The following SMYD4 variants were observed in gnomAD, a reference collection of about 807,000 sequenced individuals.
The protein encoded by SMYD4 is SET and MYND domain containing 4.
A neutral mutation model predicts 72.8 loss-of-function variants in SMYD4; 68 were observed. The ratio of observed to expected loss-of-function variants is 0.93; its 90% CI spans 0.77 to 1.14. The LOEUF (loss-of-function observed/expected upper bound fraction) is 1.14, where lower values mean the gene tolerates loss of function less well. Ranked by LOEUF, SMYD4 falls within the 50% of genes most tolerant of loss-of-function variation. SMYD4 has a pLI of 0.00. For synonymous variants in SMYD4, 407 were observed against 388.6 expected (o/e 1.05, Z -0.56); for missense variants, 984 against 1,003.7 (o/e 0.98, Z 0.27).
rs534923862 is a variant in SMYD4 at position 1,789,722 on chromosome 17, A to C, written c.1538-2118T>G. On this transcript the variant is annotated intron_variant, in intron 5 of 10. Coordinates refer to ENST00000305513, the MANE Select transcript of SMYD4 (RefSeq NM_052928.3). ...GGAGGTTGCAGTGAGCCGAGATCGCACCACTGCACTCCAGCCTGGGTGAAA... is the reference window on the plus strand; with the variant it reads ...GGAGGTTGCAGTGAGCCGAGATCGCCCCACTGCACTCCAGCCTGGGTGAAA... Among the ~76,000 whole-genome samples the C allele has an allele frequency of 2.1e-5, 3 of 144,570 alleles. No individual in the cohort carries two copies. The Admixed American group carries it at 2.2e-4, about 10-fold the overall frequency. 94.8% of individuals were successfully genotyped at this position (144,570 alleles called of 152,430 possible). A position where few individuals can be genotyped will look rare whatever the true frequency, so the allele number is the denominator to read the frequency against.
Position 1,800,798 on chromosome 17 carries a change from T to C in SMYD4, c.596A>G (p.Gln199Arg), listed in dbSNP as rs757620581. Residue 199 changes from glutamine to arginine, a missense_variant, in exon 5 of 11, where the codon CAA becomes CGA. Coordinates refer to ENST00000305513, the MANE Select transcript of SMYD4 (RefSeq NM_052928.3). ...RNLHRLKMKM[Q>R]EKDSLTESFP... The stretch of plus-strand genomic sequence containing the variant: ...GCTTTCTGTGAGACTGTCCTTTTCT[T>C]GCATCTTCATTTTCAGACGATGGAG... 1.2e-6 allele frequency: 2 copies of C among 1,614,212 alleles called. No individual in the cohort carries two copies. Among genetic ancestry groups the C allele is most frequent in the South Asian group, 2.2e-5 (2 of 91,086 alleles).
intron 5 of SMYD4, among the ~76,000 whole-genome samples, chr17:1,797,392 T>C (rs112135295): frequency 6.6e-6 from 1 of 152,258 alleles, no homozygotes; most frequent in African/African-American, 2.4e-5. Context: ...TTTCTAATAA[T>C]AGTTGTATCT....
chr17:1,811,227 T>C (rs917652140), intron 3 of SMYD4, among the ~76,000 whole-genome samples: 2 of 152,104 alleles, frequency 1.3e-5, no homozygotes, highest in African/African-American at 2.4e-5. Context: ...CCCTAGAGGT[T>C]TGAGTAGCAG....
At chr17:1,819,114 A>T (rs11654029) in intron 2 of SMYD4, among the ~76,000 whole-genome samples, 108,178 of 151,676 alleles carry the variant, frequency 0.71, 39,517 homozygotes, top group Non-Finnish European at 0.79. Context: ...CCCAGCACTT[A>T]GGGAGGCCGA....
rs538073456 is a variant in SMYD4, at chr17:1,795,902, G to GTA, written c.1537+3953_1537+3954dup. On this transcript the variant is annotated intron_variant, in intron 5 of 10. Coordinates refer to ENST00000305513, the MANE Select transcript of SMYD4 (RefSeq NM_052928.3). ...TCAAAGAAGAAAGTAGCAATCACCT[G>GTA]TATTTCCACTTTCAGAATTAATCAC... Among the ~76,000 whole-genome samples, 546 of 152,162 alleles carry GTA rather than the reference G, an allele frequency of 3.6e-3. 2 individuals are homozygous for GTA. Among genetic ancestry groups the GTA allele is most frequent in the South Asian group, 9.7e-3 (47 of 4,824 alleles).
intron 3 of SMYD4, among the ~76,000 whole-genome samples, chr17:1,811,497 T>C (rs1910329177): frequency 6.6e-6 from 1 of 152,236 alleles, no homozygotes. Context: ...AACTACCTTT[T>C]GTTTCAGACT....
intron 2 of SMYD4, among the ~76,000 whole-genome samples, chr17:1,826,925 C>T (rs926738290): frequency 1.3e-5 from 2 of 151,726 alleles, no homozygotes; most frequent in South Asian, 2.1e-4. Flanking sequence ...CTGAGGCGGG[C>T]GGATCATTTG....
At chr17:1,819,373 C>T (rs1196955485) in intron 2 of SMYD4, among the ~76,000 whole-genome samples, 1 of 151,994 alleles carries the variant, frequency 6.6e-6, no homozygotes, top group Non-Finnish European at 1.5e-5. Context: ...AACAAACAAA[C>T]AAAATGACTA....
chr17:1,829,099 C>A (rs1309309162), intron 1 of SMYD4, among the ~76,000 whole-genome samples: 2 of 152,164 alleles, frequency 1.3e-5, no homozygotes, highest in African/African-American at 4.8e-5. Flanking sequence ...TCAATCCAGC[C>A]TCCAACACTG....
intron 2 of SMYD4, among the ~76,000 whole-genome samples, chr17:1,817,123 C>T (rs1487256305): frequency 5.3e-5 from 8 of 151,708 alleles, no homozygotes; most frequent in Admixed American, 3.3e-4. Context: ...CTGCAACCTC[C>T]GCCTCCCGGG....
chr17:1,816,688 T>C (rs1364083378), intron 2 of SMYD4, among the ~76,000 whole-genome samples: 1 of 151,456 alleles, frequency 6.6e-6, no homozygotes, highest in Non-Finnish European at 1.5e-5. Context: ...GGGCAGTAGC[T>C]ATTCTGCACT....
intron 5 of SMYD4, among the ~76,000 whole-genome samples, chr17:1,794,069 GTATA>G (rs1567770926): frequency 1.5e-5 from 1 of 67,926 alleles, no homozygotes; most frequent in Non-Finnish European, 2.6e-5. Flanking sequence ...ATATATATGT[GTATA>G]TATATGTGTA....
intron 1 of SMYD4, among the ~76,000 whole-genome samples, chr17:1,829,141 A>G (rs1374660218): frequency 6.6e-6 from 1 of 152,106 alleles, no homozygotes; most frequent in Non-Finnish European, 1.5e-5. Flanking sequence ...CCTTAAATTC[A>G]TCAACGCTAC....
At chr17:1,817,131 G>A (rs1043111867) in intron 2 of SMYD4, among the ~76,000 whole-genome samples, 28 of 151,504 alleles carry the variant, frequency 1.8e-4, no homozygotes, top group Admixed American at 8.6e-4. Flanking sequence ...TCCGCCTCCC[G>A]GGTTCAAGTG....
Position 1,800,575 on chromosome 17 carries a change from T to C in SMYD4, c.819A>G (p.Glu273=), listed in dbSNP as rs766522799. 6.2e-7 allele frequency: 1 copy of C among 1,614,128 alleles called. No homozygotes were observed. Among genetic ancestry groups the C allele is most frequent in the East Asian group, 2.2e-5 (1 of 44,886 alleles). ...DAFVSVLNPG[E]LPPPHHGLDS... ...CTAGGCCGTGATGCGGTGGTGGCAGTTCTCCTGGGTTGAGAACACTCACAA... is the reference window on the plus strand; with the variant it reads ...CTAGGCCGTGATGCGGTGGTGGCAGCTCTCCTGGGTTGAGAACACTCACAA... Residue 273 remains glutamate (E), a synonymous_variant, in exon 5 of 11, where the codon GAA becomes GAG. Coordinates refer to ENST00000305513, the MANE Select transcript of SMYD4 (RefSeq NM_052928.3).
chr17:1,809,904 A>G (rs9899060), intron 3 of SMYD4, among the ~76,000 whole-genome samples: 119,550 of 151,782 alleles, frequency 0.79, 48,033 homozygotes, highest in African/African-American at 0.86. Flanking sequence ...CTCCTGATCC[A>G]CCCACCTCGG....
In SMYD4 at chr17:1,786,863, C is replaced by T. The variant is rs879191610; in HGVS notation, c.1831G>A (p.Ala611Thr). The change falls in exon 7 of 11, where the codon GCA becomes ACA. Residue 611 changes from alanine (A) to threonine (T), a missense_variant. Transcript: ENST00000305513. ...CAGAATGCTTCCCACCTGGGCCCTGCAGCCATCCTGTGTGCCTCAGTTTGA... is the reference window on the plus strand; with the variant it reads ...CAGAATGCTTCCCACCTGGGCCCTGTAGCCATCCTGTGTGCCTCAGTTTGA... Reference protein sequence around the residue: ...ACQTEAHRMAAGPRWEAFCCN... With the variant: ...ACQTEAHRMATGPRWEAFCCN... 1.2e-6 allele frequency: 2 copies of T among 1,614,228 alleles called. No individual in the cohort carries two copies. The highest frequency in any genetic ancestry group is 1.1e-5 in the South Asian group (1 of 91,088).
intron 3 of SMYD4, among the ~76,000 whole-genome samples, chr17:1,811,082 T>C (rs1049212646): frequency 7.2e-5 from 11 of 152,180 alleles, no homozygotes; most frequent in Admixed American, 5.9e-4. Context: ...CTGAGCTGGT[T>C]AACACAAGCC....
intron 2 of SMYD4, among the ~76,000 whole-genome samples, chr17:1,824,892 T>C (rs1316956431): frequency 2.0e-5 from 3 of 152,138 alleles, no homozygotes; most frequent in Non-Finnish European, 2.9e-5. Context: ...CCCAAAGCGC[T>C]GCGATTACAG....
Sources: allele counts gnomAD v4.1 joint callset (sites outside exome capture counted in the v4.1 genomes callset), GRCh38; gene constraint gnomAD v4.1.1; transcripts MANE v1.5; gene names NCBI Gene and HGNC (gene_info 2026-07-23, HGNC 2026-07-21).